The following ZFYVE9 variants were observed in gnomAD, a reference collection of about 807,000 sequenced individuals.
ZFYVE9 encodes the protein zinc finger FYVE domain-containing protein 9.
In ZFYVE9, 43 loss-of-function variants were observed where a neutral mutation model predicts 126.7. The observed-to-expected ratio is 0.34, with a 90% CI of 0.27 to 0.44. The LOEUF (loss-of-function observed/expected upper bound fraction) is 0.44. Among genes scored for constraint, ZFYVE9 ranks in the 20% least tolerant of loss-of-function variants. ZFYVE9 has a pLI of 1.00. For synonymous variants in ZFYVE9, 521 were observed against 597.4 expected, an observed-to-expected ratio of 0.87 and a Z score of 1.87; for missense variants, 1,476 against 1,697.0, an observed-to-expected ratio of 0.87 and a Z score of 2.29.
intron 7 of ZFYVE9, 146 bp from the exon 8 acceptor site, chr1:52,274,318 T>G (rs772433036): frequency 5.0e-6 from 5 of 992,766 alleles, no homozygotes; most frequent in Non-Finnish European, 7.2e-6. Context: ...TTTTTTTTAA[T>G]CCATGGGTTA....
chr1:52,259,231 G>T (rs1645553721), intron 4 of ZFYVE9, among the ~76,000 whole-genome samples: 1 of 151,866 alleles, frequency 6.6e-6, no homozygotes, highest in Admixed American at 6.6e-5. Context: ...TTTTATAAGG[G>T]TATCAGTCAT....
chr1:52,204,642 A>C (rs1304091725), intron 1 of ZFYVE9, among the ~76,000 whole-genome samples: 1 of 152,076 alleles, frequency 6.6e-6, no homozygotes, highest in Non-Finnish European at 1.5e-5. Flanking sequence ...TGGGAGGATC[A>C]CTTGAACCCA....
intron 4 of ZFYVE9, chr1:52,253,899 G>T (rs1434894390): frequency 3.6e-6 from 4 of 1,098,902 alleles, no homozygotes; most frequent in African/African-American, 1.5e-5. Context: ...CTCCAAGCAA[G>T]ATTTCAGCCA....
intron 1 of ZFYVE9, among the ~76,000 whole-genome samples, chr1:52,209,723 T>G (rs946330756): frequency 9.9e-5 from 15 of 152,136 alleles, no homozygotes; most frequent in African/African-American, 3.6e-4. Flanking sequence ...TTTGTGTTGA[T>G]CAAGATGACT....
chr1:52,281,899 C>A, intron 10 of ZFYVE9, 83 bp downstream of exon 10: 2 of 1,516,332 alleles, frequency 1.3e-6, no homozygotes, highest in South Asian at 1.2e-5. Flanking sequence ...ATAGTCTTAA[C>A]TTTGGACTTA....
intron 4 of ZFYVE9, among the ~76,000 whole-genome samples, chr1:52,247,041 CT>C (rs1188680745): frequency 6.6e-6 from 1 of 152,078 alleles, no homozygotes; most frequent in Non-Finnish European, 1.5e-5. Flanking sequence ...GTTGCCCAGG[CT>C]GGTCTCGAAA....
intron 4 of ZFYVE9, among the ~76,000 whole-genome samples, chr1:52,249,678 A>G (rs749647119): frequency 6.6e-6 from 1 of 152,158 alleles, no homozygotes; most frequent in Non-Finnish European, 1.5e-5. Flanking sequence ...TTGGTGTCAT[A>G]TCAAAGAAAT....
chr1:52,220,328 A>G (rs1355654380), intron 2 of ZFYVE9, among the ~76,000 whole-genome samples: 1 of 152,162 alleles, frequency 6.6e-6, no homozygotes, highest in Non-Finnish European at 1.5e-5. Context: ...AGTGTTCTCT[A>G]TTAGTCCAAA....
At chr1:52,172,156 C>T (rs916698806) in intron 1 of ZFYVE9, among the ~76,000 whole-genome samples, 1 of 152,132 alleles carries the variant, frequency 6.6e-6, no homozygotes. Context: ...AGTCTTTAGT[C>T]CATCTTGAAT....
At chr1:52,278,402 T>C (rs1645768909) in intron 8 of ZFYVE9, 90 bp from the exon 9 acceptor site, 1 of 1,526,656 alleles carries the variant, frequency 6.6e-7, no homozygotes, top group African/African-American at 1.4e-5. Flanking sequence ...CATGTCTCTT[T>C]TCTGTGAATA....
chr1:52,159,714 G>A (rs1049435326), intron 1 of ZFYVE9, among the ~76,000 whole-genome samples: 2 of 152,150 alleles, frequency 1.3e-5, no homozygotes, highest in African/African-American at 4.8e-5. Context: ...TTTCATAAAG[G>A]TTGATATAAG....
intron 13 of ZFYVE9, among the ~76,000 whole-genome samples, chr1:52,329,739 A>G (rs1244234786): frequency 6.6e-6 from 1 of 151,928 alleles, no homozygotes; most frequent in African/African-American, 2.4e-5. Context: ...TCCCGTCTCT[A>G]CTAAAAATAC....
chr1:52,212,192 T>C (rs995941540), intron 1 of ZFYVE9, among the ~76,000 whole-genome samples: 1 of 152,356 alleles, frequency 6.6e-6, no homozygotes, highest in South Asian at 2.1e-4. Flanking sequence ...TTGCCCAGGC[T>C]GGAGTGCAGT....
In ZFYVE9 at chr1:52,263,788, T is replaced by G. The variant is rs773470270; in HGVS notation, c.2194T>G (p.Cys732Gly). Residue 732 changes from cysteine (C) to glycine (G), a missense_variant, in exon 5 of 19, where the codon TGC becomes GGC. Cys to Gly is a radical substitution (Grantham distance 159). Around this residue, in one of 2 missense-constraint regions of ZFYVE9, gnomAD observed 669 missense variants for 902.4 expected, o/e 0.74. Coordinates refer to ENST00000287727, the MANE Select transcript of ZFYVE9 (RefSeq NM_004799.4). Reference sequence around the variant, plus strand: ...CCCCCCACAGGTTTTCTGTGCTTCCTGCTGTAGCCTGAAATGTAAACTGTT... The same window carrying G: ...CCCCCCACAGGTTTTCTGTGCTTCCGGCTGTAGCCTGAAATGTAAACTGTT... ...RACGKVFCAS[C>G]CSLKCKLLYM... 9.8e-7 allele frequency: 1 copy of G among 1,017,874 alleles called. No individual in the cohort carries two copies. Among genetic ancestry groups the G allele is most frequent in the South Asian group, 1.4e-5 (1 of 73,662 alleles). 63.1% of individuals were successfully genotyped at this position (1,017,874 alleles called of 1,614,324 possible). A position where few individuals can be genotyped will look rare whatever the true frequency, so the allele number is the denominator to read the frequency against.
intron 13 of ZFYVE9, among the ~76,000 whole-genome samples, chr1:52,327,330 G>A (rs536984749): frequency 8.6e-5 from 13 of 151,992 alleles, no homozygotes; most frequent in African/African-American, 2.4e-4. Context: ...CTGGCCAGGC[G>A]CGGTGGCTCA....
At chr1:52,260,446 A>G (rs1645567244) in intron 4 of ZFYVE9, among the ~76,000 whole-genome samples, 1 of 152,016 alleles carries the variant, frequency 6.6e-6, no homozygotes. Flanking sequence ...TCCCAAATCC[A>G]TTCTTATTCT....
At position 52,233,189 on chromosome 1, in the gene ZFYVE9, A is replaced by C. The variant is rs750686009; in HGVS notation, c.-18A>C. 35 of 1,550,044 alleles carry C rather than the reference A, an allele frequency of 2.3e-5. No individual in the cohort carries two copies. The South Asian group carries it at 4.2e-4, about 19-fold the overall frequency. ...TTTTTAGGTTTAAACAAGTCTCTTA[A>C]GTGGTGTTTCCTCACCGATGGAGAA... is the stretch of plus-strand genomic sequence containing the variant. On this transcript the variant is annotated 5_prime_UTR_variant, in exon 3 of 19. Coordinates refer to ENST00000287727, the MANE Select transcript of ZFYVE9 (RefSeq NM_004799.4).
intron 7 of ZFYVE9, among the ~76,000 whole-genome samples, chr1:52,273,818 CAAA>C (rs61193193): frequency 5.3e-5 from 4 of 75,576 alleles, no homozygotes; most frequent in South Asian, 8.9e-4. Context: ...GACTCCTTCT[CAAA>C]AAAAAAAAAA....
At chr1:52,301,742 C>T (rs1425123755) in intron 12 of ZFYVE9, among the ~76,000 whole-genome samples, 4 of 152,182 alleles carry the variant, frequency 2.6e-5, no homozygotes, top group Non-Finnish European at 5.9e-5. Flanking sequence ...TAGTTTTCAT[C>T]TGATATTTTT....
Sources: allele counts gnomAD v4.1 joint callset (sites outside exome capture counted in the v4.1 genomes callset), GRCh38; gene constraint gnomAD v4.1.1; regional missense constraint gnomAD v4.1.1; transcripts MANE v1.5; gene names NCBI Gene and HGNC (gene_info 2026-07-23, HGNC 2026-07-21).